The following CADPS2 variants were observed in gnomAD, a reference collection of about 807,000 sequenced individuals.
CADPS2 encodes the protein calcium dependent secretion activator 2, also known as calcium-dependent secretion activator 2.
In CADPS2, 93 loss-of-function variants were observed where a neutral mutation model predicts 172.5. That is an observed-to-expected ratio of 0.54 (90% CI 0.46 to 0.64). The LOEUF (loss-of-function observed/expected upper bound fraction) is 0.64, where lower values mean the gene tolerates loss of function less well. Among genes scored for constraint, CADPS2 ranks in the 30% least tolerant of loss-of-function variants. CADPS2 has a pLI of 0.00. For synonymous variants in CADPS2, 546 were observed against 555.2 expected (o/e 0.98, Z 0.23); for missense variants, 1,420 against 1,565.9 (o/e 0.91, Z 1.57).
At chr7:122,519,949 T>G (rs1253363067) in intron 8 of CADPS2, among the ~76,000 whole-genome samples, 1 of 152,020 alleles carries the variant, frequency 6.6e-6, no homozygotes, top group African/African-American at 2.4e-5. Context: ...ATCTTCTATA[T>G]CTGTAGTTAT....
intron 1 of CADPS2, among the ~76,000 whole-genome samples, chr7:122,803,994 A>AAC (rs1554446775): frequency 4.3e-4 from 64 of 148,152 alleles, no homozygotes; most frequent in South Asian, 1.3e-3. Context: ...AAAAAAAAAA[A>AAC]AAAACACTGC....
chr7:122,835,646 T>C (rs913419805), intron 1 of CADPS2, among the ~76,000 whole-genome samples: 3 of 152,172 alleles, frequency 2.0e-5, no homozygotes, highest in East Asian at 3.9e-4. Context: ...TGTACAAGCT[T>C]CAGTAGCCGA....
chr7:122,722,466 C>T (rs1004992993), intron 2 of CADPS2, among the ~76,000 whole-genome samples: 18 of 151,424 alleles, frequency 1.2e-4, no homozygotes, highest in Middle Eastern at 6.8e-3. Flanking sequence ...AATAAAATAC[C>T]TAGGAATCCA....
chr7:122,582,608 C>A (rs1199555652), intron 6 of CADPS2, among the ~76,000 whole-genome samples: 1 of 151,920 alleles, frequency 6.6e-6, no homozygotes, highest in Non-Finnish European at 1.5e-5. Context: ...AAAATAGATT[C>A]AGAACCAAAA....
chr7:122,502,886 C>T (rs1161644349), intron 9 of CADPS2, among the ~76,000 whole-genome samples: 2 of 151,630 alleles, frequency 1.3e-5, no homozygotes, highest in Non-Finnish European at 2.9e-5. Flanking sequence ...GTTATAGAAA[C>T]TTTTTATTAA....
chr7:122,582,232 G>A (rs78323099), intron 6 of CADPS2, among the ~76,000 whole-genome samples: 1,735 of 152,018 alleles, frequency 0.011, 31 homozygotes, highest in African/African-American at 0.039. Context: ...CCATTTTCAC[G>A]GAGCTGTCTA....
chr7:122,829,705 AATAT>A (rs1229669905), intron 1 of CADPS2, among the ~76,000 whole-genome samples: 3 of 152,220 alleles, frequency 2.0e-5, no homozygotes, highest in Non-Finnish European at 4.4e-5. Flanking sequence ...CCACTGTAAA[AATAT>A]AATTTGAAAG....
At chr7:122,602,319 G>A (rs150592592) in intron 6 of CADPS2, among the ~76,000 whole-genome samples, 3 of 151,720 alleles carry the variant, frequency 2.0e-5, no homozygotes, top group South Asian at 2.1e-4. Context: ...TTCATCTTAC[G>A]ACCATTGCAA....
intron 1 of CADPS2, among the ~76,000 whole-genome samples, chr7:122,854,792 C>G (rs1449147784): frequency 6.6e-6 from 1 of 152,158 alleles, no homozygotes; most frequent in East Asian, 1.9e-4. Context: ...CTGAATCAAC[C>G]CGAGGAACAG....
chr7:122,689,592 G>A (rs1356308266), intron 2 of CADPS2, among the ~76,000 whole-genome samples: 1 of 152,170 alleles, frequency 6.6e-6, no homozygotes, highest in Non-Finnish European at 1.5e-5. Flanking sequence ...AGGCAATGTG[G>A]AAAGCACAGT....
chr7:122,580,695 A>C (rs925291581), intron 7 of CADPS2, among the ~76,000 whole-genome samples: 4 of 152,170 alleles, frequency 2.6e-5, no homozygotes, highest in Non-Finnish European at 4.4e-5. Context: ...TAATGTTAAA[A>C]GGTGTGAGAA....
At chr7:122,634,813 C>T (rs2076905362) in intron 3 of CADPS2, among the ~76,000 whole-genome samples, 1 of 152,178 alleles carries the variant, frequency 6.6e-6, no homozygotes, top group South Asian at 2.1e-4. Context: ...CCTTTTAACA[C>T]TGCTTTAGCG....
intron 25 of CADPS2, among the ~76,000 whole-genome samples, chr7:122,362,747 G>A (rs954386161): frequency 3.3e-5 from 5 of 152,170 alleles, no homozygotes; most frequent in Non-Finnish European, 7.4e-5. Flanking sequence ...CTTCAACAAA[G>A]TGATAATAGT....
At chr7:122,511,909 T>C (rs532204458) in intron 9 of CADPS2, among the ~76,000 whole-genome samples, 142 of 152,296 alleles carry the variant, frequency 9.3e-4, no homozygotes, top group African/African-American at 3.2e-3. Flanking sequence ...GTGGAAACTG[T>C]AGAAGATGGC....
At chr7:122,550,804 C>G (rs952179439) in intron 8 of CADPS2, among the ~76,000 whole-genome samples, 3 of 151,976 alleles carry the variant, frequency 2.0e-5, no homozygotes, top group African/African-American at 4.8e-5. Flanking sequence ...AATTCAAAAG[C>G]TGGATGTGAA....
At chr7:122,699,882 G>A (rs1013345241) in intron 2 of CADPS2, among the ~76,000 whole-genome samples, 17 of 152,180 alleles carry the variant, frequency 1.1e-4, no homozygotes, top group Non-Finnish European at 1.8e-4. Context: ...TTAAAAAACA[G>A]CTATTAAGAA....
intron 2 of CADPS2, among the ~76,000 whole-genome samples, chr7:122,675,167 A>C (rs2082262123): frequency 6.6e-6 from 1 of 152,222 alleles, no homozygotes. Flanking sequence ...TACTGGATGG[A>C]AACACACTAA....
chr7:122,492,702 T>C (rs573574025), intron 9 of CADPS2, among the ~76,000 whole-genome samples: 40 of 152,030 alleles, frequency 2.6e-4, no homozygotes, highest in African/African-American at 8.7e-4. Flanking sequence ...GTATTTTTTT[T>C]CTTTTTTTCT....
At chr7:122,404,810 T>C (rs1169332659) in intron 20 of CADPS2, among the ~76,000 whole-genome samples, 1 of 152,100 alleles carries the variant, frequency 6.6e-6, no homozygotes, top group Non-Finnish European at 1.5e-5. Context: ...TTCATTCAAA[T>C]AGAGAAAACA....
Sources: allele counts gnomAD v4.1 joint callset (sites outside exome capture counted in the v4.1 genomes callset), GRCh38; gene constraint gnomAD v4.1.1; transcripts MANE v1.5; gene names NCBI Gene and HGNC (gene_info 2026-07-23, HGNC 2026-07-21).